The following GLS2 variants were observed in gnomAD, a reference collection of about 807,000 sequenced individuals.
The protein encoded by GLS2 is glutaminase 2, also known as glutaminase liver isoform, mitochondrial.
A neutral mutation model predicts 79.0 loss-of-function variants in GLS2; 52 were observed. The observed-to-expected ratio is 0.66, with a 90% CI of 0.53 to 0.83. GLS2 has a LOEUF of 0.83. Ranked by LOEUF, GLS2 falls within the 40% of genes least tolerant of loss-of-function variation. The pLI is 0.00. For missense variants in GLS2, 561 were observed against 764.8 expected (o/e 0.73, Z 3.14); for synonymous variants, 238 against 280.8 (o/e 0.85, Z 1.52).
chr12:56,482,076 C>G (rs1041942061), intron 1 of GLS2, among the ~76,000 whole-genome samples: 1 of 151,938 alleles, frequency 6.6e-6, no homozygotes, highest in Non-Finnish European at 1.5e-5. Context: ...ACTAAAAATA[C>G]AAAAATTAGC....
chr12:56,472,167 G>A lies in GLS2; in HGVS notation c.1540C>T (p.Gln514Ter). ...GCTGTGCGCGAGTCATAGTCTTTCT[G>A]TTCCATATCCATGGCTGACAAGGCA... ...RFALSAMDME[Q>*]KDYDSRTALH... is the part of the protein sequence containing the mutation. The change falls in exon 16 of 18, where the codon CAG (glutamine) becomes TAG (stop). Residue 514 changes from glutamine to a stop codon, truncating the protein, a stop_gained. Coordinates refer to ENST00000311966, the MANE Select transcript of GLS2 (RefSeq NM_013267.4). LOFTEE classifies it high-confidence loss of function. The A allele has an allele frequency of 6.2e-7, 1 of 1,614,186 alleles. No homozygotes were observed. Among genetic ancestry groups the A allele is most frequent in the Non-Finnish European group, 8.5e-7 (1 of 1,180,034 alleles).
intron 9 of GLS2, 145 bp downstream of exon 9, chr12:56,475,479 G>A (rs1869722021): frequency 1.5e-5 from 12 of 783,472 alleles, no homozygotes; most frequent in Non-Finnish European, 2.5e-5. Context: ...TGTTTATGAA[G>A]GGACTCAGAG....
At chr12:56,474,263 G>A (rs1315259979) in intron 12 of GLS2, 2 of 389,566 alleles carry the variant, frequency 5.1e-6, no homozygotes, top group East Asian at 6.2e-5. Context: ...CTAATTTTTT[G>A]TATTTAGTAG....
chr12:56,477,604 C>A, intron 7 of GLS2, 56 bp downstream of exon 7: 1 of 1,532,798 alleles, frequency 6.5e-7, no homozygotes, highest in Non-Finnish European at 8.9e-7. Context: ...ATGAGGGATA[C>A]AGGAACACAG....
At chr12:56,478,889 C>T (rs1406113086) in intron 4 of GLS2, 163 bp downstream of exon 4, 2 of 815,198 alleles carry the variant, frequency 2.5e-6, no homozygotes, top group African/African-American at 1.7e-5. Context: ...GAGGCTGAGA[C>T]AGGAGAATCG....
In GLS2 at chr12:56,478,037, G is replaced by C; in HGVS notation, c.674C>G (p.Thr225Ser). 1 of 1,614,254 alleles carries C rather than the reference G, an allele frequency of 6.2e-7. No homozygotes were observed. The highest frequency in any genetic ancestry group is 8.5e-7 in the Non-Finnish European group (1 of 1,180,050). ...TAGGGTGCTTATGGAGATGGCATAG[G>C]TGAGGGGCTTCACACAGGACTGCAG... The part of the protein sequence containing the change: ...FCLQSCVKPL[T>S]YAISISTLGT... The change falls in exon 6 of 18, where the codon ACC becomes AGC. Residue 225 changes from threonine to serine, a missense_variant. By Grantham distance (58) the Thr-to-Ser change is moderately conservative (BLOSUM62 1). Coordinates refer to ENST00000311966, the MANE Select transcript of GLS2 (RefSeq NM_013267.4).
At chr12:56,474,422 C>A in intron 12 of GLS2, 122 bp downstream of exon 12, 2 of 1,228,340 alleles carry the variant, frequency 1.6e-6, no homozygotes, top group Non-Finnish European at 2.3e-6. Flanking sequence ...AACCTAATTG[C>A]CTTCCTGGAA....
chr12:56,479,664 TAATAA>T (rs1385022681), intron 3 of GLS2, 111 bp downstream of exon 3: 23 of 1,199,108 alleles, frequency 1.9e-5, no homozygotes, highest in African/African-American at 7.7e-5. Flanking sequence ...ATGTAATAAG[TAATAA>T]AATAAAATGA....
chr12:56,478,557 C>T (rs1870027043), intron 4 of GLS2: 1 of 386,476 alleles, frequency 2.6e-6, no homozygotes, highest in Non-Finnish European at 4.8e-6. Flanking sequence ...CCTATAAATC[C>T]CTTTGAAGGC....
intron 3 of GLS2, 126 bp from the exon 4 acceptor site, chr12:56,479,307 C>T: frequency 1.6e-6 from 2 of 1,220,252 alleles, no homozygotes; most frequent in Non-Finnish European, 2.2e-6. Context: ...AGCTCTGTTA[C>T]CTTTGGCAAA....
In GLS2 at chr12:56,478,048, C is replaced by T; in HGVS notation, c.663G>A (p.Val221=). 3 of 1,614,220 alleles carry T rather than the reference C, an allele frequency of 1.9e-6. No individual in the cohort carries two copies. The highest frequency in any genetic ancestry group is 2.5e-6 in the Non-Finnish European group (3 of 1,180,028). Residue 221 remains valine (V), a synonymous_variant, in exon 6 of 18, where the codon GTG becomes GTA. Transcript: ENST00000311966. The part of the protein sequence containing the change: ...TKIPFCLQSC[V]KPLTYAISIS... ...TGGAGATGGCATAGGTGAGGGGCTTCACACAGGACTGCAGGCAGAAGGGGA... is the reference window on the plus strand; with the variant it reads ...TGGAGATGGCATAGGTGAGGGGCTTTACACAGGACTGCAGGCAGAAGGGGA...
chr12:56,472,013 G>T, intron 16 of GLS2, 106 bp downstream of exon 16: 5 of 1,351,586 alleles, frequency 3.7e-6, no homozygotes, highest in Non-Finnish European at 5.2e-6. Context: ...GATAAAACTA[G>T]TTGCTGCCCC....
intron 1 of GLS2, chr12:56,487,419 G>A (rs1269073108): frequency 6.5e-6 from 1 of 154,066 alleles, no homozygotes; most frequent in East Asian, 1.9e-4. Flanking sequence ...CTGCTGTTCA[G>A]GGAGCACTGC....
chr12:56,479,126 T>C lies in GLS2; in HGVS notation c.460A>G (p.Ile154Val), dbSNP rs762899060. The part of the protein sequence containing the change: ...LTQAFRKKFV[I>V]PDFEEFTGHV... ...CCCGTGAACTCCTCAAAATCAGGAA[T>C]GACAAACTTCTTTCGGAATGCCTGG... Residue 154 changes from isoleucine to valine, a missense_variant, in exon 4 of 18, where the codon ATT becomes GTT. Around this residue, in one of 4 missense-constraint regions of GLS2, gnomAD observed 43 missense variants for 92.8 expected, o/e 0.46. Coordinates refer to ENST00000311966, the MANE Select transcript of GLS2 (RefSeq NM_013267.4). 3.7e-6 allele frequency: 6 copies of C among 1,613,884 alleles called. No homozygotes were observed. In the South Asian group the frequency reaches 5.5e-5, roughly 15 times the overall value.
At chr12:56,473,880 G>A in intron 12 of GLS2, 1 of 311,400 alleles carries the variant, frequency 3.2e-6, no homozygotes, top group Non-Finnish European at 5.9e-6. Flanking sequence ...GTAATAAACA[G>A]GTAAATAAAT....
At chr12:56,476,306 C>T in intron 7 of GLS2, 3 of 312,752 alleles carry the variant, frequency 9.6e-6, no homozygotes, top group Non-Finnish European at 1.8e-5. Flanking sequence ...GGATTACAGG[C>T]ATGAGCCAGC....
intron 4 of GLS2, 114 bp from the exon 5 acceptor site, chr12:56,478,376 G>GC (rs1870009696): frequency 9.1e-7 from 1 of 1,099,086 alleles, no homozygotes; most frequent in African/African-American, 1.6e-5. Context: ...CTTCTATAGG[G>GC]CAGAGGGGTT....
At position 56,475,122 on chromosome 12, in the gene GLS2, AC is replaced by A; in HGVS notation, c.930-13del. On this transcript the variant is annotated splice_polypyrimidine_tract_variant and intron_variant, in intron 9 of 17. Coordinates refer to ENST00000311966, the MANE Select transcript of GLS2 (RefSeq NM_013267.4). ...TCTCTGACTGGAATCTGAAGCAAAC[AC>A]CCAATTTAGTACTTGAAGTTGGAGG... The A allele has an allele frequency of 6.2e-7, 1 of 1,613,982 alleles. No homozygotes were observed. The highest frequency in any genetic ancestry group is 2.2e-5 in the East Asian group (1 of 44,888).
intron 1 of GLS2, among the ~76,000 whole-genome samples, chr12:56,485,363 C>A (rs1311275777): frequency 1.3e-5 from 2 of 151,936 alleles, no homozygotes; most frequent in Non-Finnish European, 2.9e-5. Flanking sequence ...CTCAAGTGAT[C>A]CTCCCACATC....
Sources: allele counts gnomAD v4.1 joint callset (sites outside exome capture counted in the v4.1 genomes callset), GRCh38; gene constraint gnomAD v4.1.1; regional missense constraint gnomAD v4.1.1; transcripts MANE v1.5; gene names NCBI Gene and HGNC (gene_info 2026-07-23, HGNC 2026-07-21).